ISM1: variants seen among roughly 807,000 people sequenced by gnomAD.
ISM1 encodes isthmin 1.
A neutral mutation model predicts 46.3 loss-of-function variants in ISM1; 25 were observed. That is an observed-to-expected ratio of 0.54 (90% CI 0.39 to 0.75). The LOEUF (loss-of-function observed/expected upper bound fraction) is 0.75, where lower values mean the gene tolerates loss of function less well. Among genes scored for constraint, ISM1 ranks in the 30% least tolerant of loss-of-function variants. ISM1 has a pLI of 0.00. For missense variants in ISM1, 536 were observed against 625.4 expected, an observed-to-expected ratio of 0.86 and a Z score of 1.52; for synonymous variants, 255 against 256.7, an observed-to-expected ratio of 0.99 and a Z score of 0.06.
chr20:13,226,575 A>T lies in ISM1; in HGVS notation c.138+4661A>T, dbSNP rs1461523576. 5.9e-5 allele frequency among the ~76,000 whole-genome samples: 9 copies of T among 151,984 alleles called. 1 individual carries two copies. On this transcript the variant is annotated intron_variant, in intron 1 of 5. Transcript: ENST00000262487. ...GCTGAGTGGTTCTTCTGGTGATTTC[A>T]CCTGATATTACTCATGTAGCTGTGG... is the stretch of plus-strand genomic sequence containing the variant.
chr20:13,263,858 A>G (rs1167898274), intron 1 of ISM1, among the ~76,000 whole-genome samples: 1 of 152,266 alleles, frequency 6.6e-6, no homozygotes, highest in Non-Finnish European at 1.5e-5. Context: ...GAGAGGCTGT[A>G]GTGACATTAA....
intron 1 of ISM1, among the ~76,000 whole-genome samples, chr20:13,231,025 C>T (rs1246331097): frequency 6.6e-6 from 1 of 152,162 alleles, no homozygotes; most frequent in Admixed American, 6.6e-5. Context: ...CTCTTCCCTG[C>T]CTTCCTCCCT....
intron 1 of ISM1, among the ~76,000 whole-genome samples, chr20:13,230,069 G>A (rs1437028583): frequency 1.3e-5 from 2 of 152,070 alleles, no homozygotes; most frequent in African/African-American, 4.8e-5. Context: ...TCTACTCATA[G>A]TTTAAAAGGC....
intron 3 of ISM1, among the ~76,000 whole-genome samples, chr20:13,284,047 A>G (rs571186853): frequency 6.6e-6 from 1 of 152,314 alleles, no homozygotes; most frequent in Non-Finnish European, 1.5e-5. Flanking sequence ...TTAGGCAAGT[A>G]CCTTAACCTC....
At chr20:13,245,581 C>T (rs1020746991) in intron 1 of ISM1, among the ~76,000 whole-genome samples, 2 of 152,180 alleles carry the variant, frequency 1.3e-5, no homozygotes, top group African/African-American at 2.4e-5. Flanking sequence ...TACTCCCCTC[C>T]ACATGTACCT....
chr20:13,228,544 T>C (rs980180157), intron 1 of ISM1, among the ~76,000 whole-genome samples: 1 of 152,132 alleles, frequency 6.6e-6, no homozygotes, highest in Non-Finnish European at 1.5e-5. Flanking sequence ...TTGTAGGTGA[T>C]TTTTTTAAAA....
At chr20:13,241,165 T>C (rs1428675490) in intron 1 of ISM1, among the ~76,000 whole-genome samples, 1 of 152,072 alleles carries the variant, frequency 6.6e-6, no homozygotes, top group African/African-American at 2.4e-5. Context: ...ACTGGTGACC[T>C]GAATGAGGTC....
At chr20:13,233,770 A>G (rs1012550269) in intron 1 of ISM1, among the ~76,000 whole-genome samples, 1 of 152,140 alleles carries the variant, frequency 6.6e-6, no homozygotes, top group Non-Finnish European at 1.5e-5. Flanking sequence ...CTTACACATA[A>G]GGTAACCCAT....
the ISM1 span, among the ~76,000 whole-genome samples, chr20:13,316,811 A>G: frequency 1.8e-4 from 27 of 152,050 alleles, 1 homozygote; most frequent in African/African-American, 5.1e-4. Context: ...GAAAACCTAC[A>G]AAACACCCGA....
At chr20:13,289,095 A>G (rs1477384037) in intron 4 of ISM1, among the ~76,000 whole-genome samples, 1 of 152,192 alleles carries the variant, frequency 6.6e-6, no homozygotes, top group Non-Finnish European at 1.5e-5. Context: ...CTTTTCTAAT[A>G]AGACTTCTGA....
At chr20:13,324,244 C>G in the ISM1 span, among the ~76,000 whole-genome samples, 1 of 152,272 alleles carries the variant, frequency 6.6e-6, no homozygotes, top group Middle Eastern at 3.4e-3. Flanking sequence ...TTCACAGCCC[C>G]ACCTCACAGG....
intron 1 of ISM1, among the ~76,000 whole-genome samples, chr20:13,233,189 C>T (rs1383323666): frequency 1.3e-5 from 2 of 151,982 alleles, no homozygotes; most frequent in Non-Finnish European, 2.9e-5. Flanking sequence ...CCTGGGGCCT[C>T]AATTACATTG....
chr20:13,235,592 G>T (rs2039638712), intron 1 of ISM1, among the ~76,000 whole-genome samples: 1 of 152,196 alleles, frequency 6.6e-6, no homozygotes. Flanking sequence ...GCTGGAGAAA[G>T]CTCTCACATG....
At chr20:13,282,315 T>G (rs1202785126) in intron 3 of ISM1, among the ~76,000 whole-genome samples, 1 of 152,190 alleles carries the variant, frequency 6.6e-6, no homozygotes, top group African/African-American at 2.4e-5. Context: ...GGTCTAGAAG[T>G]GAGACCTGGA....
At chr20:13,318,175 G>C in the ISM1 span, among the ~76,000 whole-genome samples, 20 of 45,750 alleles carry the variant, frequency 4.4e-4, no homozygotes, top group African/African-American at 1.1e-3. Context: ...ATGAGCCAAA[G>C]ACTCTAACAG....
At chr20:13,278,026 G>A (rs2040199979) in intron 2 of ISM1, among the ~76,000 whole-genome samples, 1 of 152,212 alleles carries the variant, frequency 6.6e-6, no homozygotes, top group Admixed American at 6.5e-5. Flanking sequence ...TCTATCAGAT[G>A]TCAGGTTAGG....
chr20:13,250,966 A>C (rs1458980539), intron 1 of ISM1, among the ~76,000 whole-genome samples: 2 of 152,184 alleles, frequency 1.3e-5, no homozygotes, highest in Admixed American at 1.3e-4. Context: ...TTATTTTATC[A>C]TCTCTTCTTA....
the ISM1 span, among the ~76,000 whole-genome samples, chr20:13,314,967 G>A: frequency 2.6e-5 from 4 of 152,024 alleles, no homozygotes; most frequent in Non-Finnish European, 5.9e-5. Context: ...TTTGAAAGTG[G>A]ACTTGGATTA....
chr20:13,302,155 G>C (rs1238941204), downstream of ISM1, among the ~76,000 whole-genome samples: 2 of 152,194 alleles, frequency 1.3e-5, no homozygotes, highest in Non-Finnish European at 2.9e-5. Flanking sequence ...AAAGAGAACA[G>C]AGAGCTTTCT....
Sources: gnomAD v4.1 joint callset for allele counts (sites outside exome capture counted in the v4.1 genomes callset) on GRCh38, gnomAD v4.1.1 for gene constraint, MANE v1.5 for transcripts, NCBI Gene and HGNC (gene_info 2026-07-23, HGNC 2026-07-21) for gene names.